DHRS9: variants seen among roughly 807,000 people sequenced by gnomAD.
DHRS9 encodes the protein dehydrogenase/reductase 9.
Under a neutral mutation model 26.6 loss-of-function variants are expected in DHRS9, and 18 were observed. The observed-to-expected ratio is 0.68, with a 90% CI of 0.47 to 1.00. DHRS9 has a LOEUF of 1.00. Among genes scored for constraint, DHRS9 ranks in the 50% least tolerant of loss-of-function variants. DHRS9 has a pLI of 0.00. For missense variants in DHRS9, 425 were observed against 378.7 expected (o/e 1.12, Z -1.01); for synonymous variants, 134 against 141.1 (o/e 0.95, Z 0.36).
intron 3 of DHRS9, among the ~76,000 whole-genome samples, chr2:169,086,819 C>T (rs559116041): frequency 3.9e-5 from 6 of 152,324 alleles, no homozygotes; most frequent in African/African-American, 1.4e-4. Flanking sequence ...CAGGAAAAGA[C>T]TCTTGTTCTC....
At chr2:169,092,622 G>A (rs78475750) in intron 4 of DHRS9, among the ~76,000 whole-genome samples, 131 of 152,128 alleles carry the variant, frequency 8.6e-4, no homozygotes, top group African/African-American at 3.0e-3. Flanking sequence ...TAATGGGGCA[G>A]GTCAGGTTTG....
At position 169,081,783 on chromosome 2, in the gene DHRS9, G is replaced by C. The variant is rs754711996; in HGVS notation, c.202G>C (p.Ala68Pro). The C allele has an allele frequency of 2.2e-5, 36 of 1,614,052 alleles. No individual in the cohort carries two copies. The Admixed American group carries it at 5.8e-4, about 26-fold the overall frequency. ...CTGTCTGACTGAATCAGGATCAACA[G>C]CTTTAAAGGCAGAAACCTCAGAGAG... ...AACLTESGST[A>P]LKAETSERLR... is the part of the protein sequence containing the mutation. Residue 68 changes from alanine to proline, a missense_variant, in exon 2 of 5, where the codon GCT becomes CCT. Physicochemically the swap from Ala to Pro is conservative, Grantham distance 27. Coordinates refer to ENST00000674881, the MANE Select transcript of DHRS9 (RefSeq NM_001376924.1).
At chr2:169,069,746 CTTTTAT>C (rs1471204635) in intron 1 of DHRS9, 29 bp downstream of exon 1, 1 of 985,216 alleles carries the variant, frequency 1.0e-6, no homozygotes, top group Non-Finnish European at 1.2e-6. Flanking sequence ...GTCATTTATT[CTTTTAT>C]TTATCAAGTC....
At chr2:169,085,138 T>A (rs1248222834) in intron 3 of DHRS9, among the ~76,000 whole-genome samples, 4 of 152,188 alleles carry the variant, frequency 2.6e-5, no homozygotes, top group Admixed American at 2.6e-4. Context: ...CAAAAACGAA[T>A]CATTGTAGAT....
chr2:169,083,428 T>C lies in DHRS9; in HGVS notation c.413T>C (p.Leu138Pro), dbSNP rs373734276. The C allele has an allele frequency of 3.3e-5, 53 of 1,614,022 alleles. No homozygotes were observed. Among genetic ancestry groups the C allele is most frequent in the Non-Finnish European group, 4.3e-5 (51 of 1,180,008 alleles). Residue 138 changes from leucine to proline, a missense_variant, in exon 3 of 5, where the codon CTG becomes CCG. By Grantham distance (98) the Leu-to-Pro change is moderately conservative (BLOSUM62 -3). Transcript: ENST00000674881. ...TACAGAGAACCTATTGAAGTGAACC[T>C]GTTTGGACTCATCAGTGTGACACTA... ...EDYREPIEVN[L>P]FGLISVTLNM...
chr2:169,080,299 C>T (rs1226185315), intron 1 of DHRS9, among the ~76,000 whole-genome samples: 6 of 152,192 alleles, frequency 3.9e-5, no homozygotes, highest in Admixed American at 3.3e-4. Context: ...TAAGGTCTTT[C>T]CCACATGTGG....
At chr2:169,067,089 A>G (rs991313822), upstream of DHRS9, 2 of 1,530,846 alleles carry the variant, frequency 1.3e-6, no homozygotes, top group African/African-American at 1.4e-5. Flanking sequence ...AGCAGCTTAT[A>G]GTCGTTCAGA....
intron 3 of DHRS9, among the ~76,000 whole-genome samples, chr2:169,084,412 C>T (rs1684288089): frequency 6.6e-6 from 1 of 152,122 alleles, no homozygotes; most frequent in African/African-American, 2.4e-5. Context: ...TGAGAAACCT[C>T]CAAACTGTTT....
intron 3 of DHRS9, among the ~76,000 whole-genome samples, chr2:169,086,238 T>C (rs1475848034): frequency 6.6e-6 from 1 of 152,208 alleles, no homozygotes; most frequent in East Asian, 1.9e-4. Context: ...TACTAATTTT[T>C]TTATTTTGCT....
Position 169,083,468 on chromosome 2 carries a change from G to A in DHRS9, c.453G>A (p.Leu151=), listed in dbSNP as rs1303642539. 1.2e-6 allele frequency: 2 copies of A among 1,613,986 alleles called. No individual in the cohort carries two copies. Among genetic ancestry groups the A allele is most frequent in the African/African-American group, 1.3e-5 (1 of 74,966 alleles). The change falls in exon 3 of 5, where the codon TTG becomes TTA. Residue 151 remains leucine, a synonymous_variant. Transcript: ENST00000674881. Reference sequence around the variant, plus strand: ...GTGTGACACTAAATATGCTTCCTTTGGTCAAGAAAGCTCAAGGGAGAGTTA... The same window carrying A: ...GTGTGACACTAAATATGCTTCCTTTAGTCAAGAAAGCTCAAGGGAGAGTTA... ...LISVTLNMLP[L]VKKAQGRVIN...
intron 3 of DHRS9, among the ~76,000 whole-genome samples, chr2:169,086,103 A>T (rs1170875571): frequency 6.6e-6 from 1 of 151,718 alleles, no homozygotes; most frequent in Non-Finnish European, 1.5e-5. Context: ...TCCCTCCTCT[A>T]TAAAGCCAGT....
chr2:169,084,944 G>A (rs1415987536), intron 3 of DHRS9, among the ~76,000 whole-genome samples: 1 of 152,080 alleles, frequency 6.6e-6, no homozygotes, highest in African/African-American at 2.4e-5. Flanking sequence ...ATGTTTTCTT[G>A]TAGTAGTTTC....
intron 1 of DHRS9, chr2:169,070,525 C>T (rs1006340065): frequency 2.0e-5 from 20 of 985,408 alleles, no homozygotes; most frequent in Non-Finnish European, 2.3e-5. Flanking sequence ...TCCTAGTATC[C>T]CTCGGCATAT....
intron 4 of DHRS9, among the ~76,000 whole-genome samples, chr2:169,094,433 C>A (rs1684630377): frequency 6.6e-6 from 1 of 152,080 alleles, no homozygotes; most frequent in African/African-American, 2.4e-5. Context: ...TGGATACAGT[C>A]CCACTTATCT....
At chr2:169,094,874 G>T (rs1313524329) in intron 4 of DHRS9, among the ~76,000 whole-genome samples, 1 of 152,058 alleles carries the variant, frequency 6.6e-6, no homozygotes, top group Non-Finnish European at 1.5e-5. Flanking sequence ...CTCTCTAAAG[G>T]TATCTTCGCT....
Position 169,093,387 on chromosome 2 carries a change from C to T in DHRS9, c.736+1434C>T, listed in dbSNP as rs185511116. Among the ~76,000 whole-genome samples the T allele has an allele frequency of 1.7e-4, 26 of 152,128 alleles. 2 individuals are homozygous for T. The highest frequency in any genetic ancestry group is 1.5e-3 in the Admixed American group (23 of 15,274). On this transcript the variant is annotated intron_variant, in intron 4 of 4. Transcript: ENST00000674881. ...ACACACACAGAGGTACACACATTAT[C>T]TATATATCAACTGAAATGTCTGGTC...
rs368707851 is a variant in DHRS9, at chr2:169,091,575, C to A, written c.573-215C>A. 4.6e-5 allele frequency among the ~76,000 whole-genome samples: 7 copies of A among 152,280 alleles called. 1 individual carries two copies. Among genetic ancestry groups the A allele is most frequent in the African/African-American group, 1.7e-4 (7 of 41,552 alleles). ...ACTGGGGGTGGTGTCCACCCAGATC[C>A]CTTTCCTGTCCTGCCGTTAACTAGT... On this transcript the variant is annotated intron_variant, in intron 3 of 4. Transcript: ENST00000674881.
At chr2:169,073,021 C>A (rs1683853138) in intron 1 of DHRS9, among the ~76,000 whole-genome samples, 1 of 152,216 alleles carries the variant, frequency 6.6e-6, no homozygotes, top group African/African-American at 2.4e-5. Context: ...TGCTATCATC[C>A]TTTTGCCCCA....
chr2:169,072,325 G>A (rs939842902), intron 1 of DHRS9, among the ~76,000 whole-genome samples: 1 of 152,194 alleles, frequency 6.6e-6, no homozygotes, highest in South Asian at 2.1e-4. Flanking sequence ...ACTCCTGACA[G>A]TGTGGTTGAC....
Sources: allele counts gnomAD v4.1 joint callset (sites outside exome capture counted in the v4.1 genomes callset), GRCh38; gene constraint gnomAD v4.1.1; transcripts MANE v1.5; gene names NCBI Gene and HGNC (gene_info 2026-07-23, HGNC 2026-07-21).